The following FOXO1 variants were observed in gnomAD, a reference collection of about 807,000 sequenced individuals.
The protein encoded by FOXO1 is forkhead box protein O1.
A neutral mutation model predicts 44.1 loss-of-function variants in FOXO1; 6 were observed. That is an observed-to-expected ratio of 0.14 (90% CI 0.07 to 0.27). The LOEUF (loss-of-function observed/expected upper bound fraction) is 0.27. FOXO1 is among the 10% of genes least tolerant of loss of function. The pLI is 1.00. For synonymous variants in FOXO1, 380 were observed against 362.7 expected (o/e 1.05, Z -0.54); for missense variants, 737 against 888.8 (o/e 0.83, Z 2.17).
chr13:40,561,351 C>CA (rs5803055), intron 1 of FOXO1, among the ~76,000 whole-genome samples: 102,182 of 119,234 alleles, frequency 0.86, 44,188 homozygotes, highest in Non-Finnish European at 0.9. Flanking sequence ...GACTCGATCT[C>CA]AAAAAAAAAA....
At chr13:40,559,482 G>A (rs1187160712) in intron 2 of FOXO1, 27 bp downstream of exon 2, 1 of 1,520,072 alleles carries the variant, frequency 6.6e-7, no homozygotes, top group African/African-American at 1.4e-5. Flanking sequence ...TTTTTCAAAA[G>A]GTCTTTTGAT....
rs561601058 is a variant in FOXO1, at chr13:40,558,587, A to G, written c.*462T>C. 3.4e-4 allele frequency: 116 copies of G among 342,304 alleles called. No homozygotes were observed. The highest frequency in any genetic ancestry group is 6.8e-5 in the Non-Finnish European group (13 of 191,070). The allele number at this position is 342,304 out of a possible 1,614,324, so 21.2% of individuals were successfully genotyped here. On this transcript the variant is annotated 3_prime_UTR_variant, in exon 3 of 3. Coordinates refer to ENST00000379561, the MANE Select transcript of FOXO1 (RefSeq NM_002015.4). The stretch of plus-strand genomic sequence containing the variant: ...CCGCAGAAAACAGGTAGTACAAACA[A>G]AAGTTTAACTTATCAAGACATGAGG...
rs1269795842 is a variant in FOXO1 at position 40,666,239 on chromosome 13, C to T, written c.-27G>A. 20 of 1,373,900 alleles carry T rather than the reference C, an allele frequency of 1.5e-5. No homozygotes were observed. Among genetic ancestry groups the T allele is most frequent in the Non-Finnish European group, 1.8e-5 (19 of 1,064,030 alleles). 85.1% of individuals were successfully genotyped at this position (1,373,900 alleles called of 1,614,324 possible). ...GTGACCCCCGCCCCTCCCCCAGCCG[C>T]AGGAGAGCCAAGAGGGGGAGAACGC... is the stretch of plus-strand genomic sequence containing the variant. On this transcript the variant is annotated 5_prime_UTR_variant, in exon 1 of 3. Coordinates refer to ENST00000379561, the MANE Select transcript of FOXO1 (RefSeq NM_002015.4).
rs775297914 is a variant in FOXO1, at chr13:40,560,679, G to A, written c.812C>T (p.Ala271Val). Residue 271 changes from alanine (A) to valine (V), a missense_variant, in exon 2 of 3, where the codon GCC becomes GTC. Coordinates refer to ENST00000379561, the MANE Select transcript of FOXO1 (RefSeq NM_002015.4). This position sits in a 1 kb window ranked among gnomAD's most constrained non-coding sequence, Gnocchi z 5.1. ...AGACTGGAGAGATGCTTTCTTCTTG[G>A]CAGCTCGGCTTCGGCTCTTAGCAAA... Reference protein sequence around the residue: ...SKFAKSRSRAAKKKASLQSGQ... With the variant: ...SKFAKSRSRAVKKKASLQSGQ... 5.0e-6 allele frequency: 8 copies of A among 1,614,062 alleles called. No individual in the cohort carries two copies. The highest frequency in any genetic ancestry group is 1.3e-5 in the African/African-American group (1 of 74,926).
intron 1 of FOXO1, among the ~76,000 whole-genome samples, chr13:40,651,158 T>C: frequency 6.6e-6 from 1 of 151,964 alleles, no homozygotes; most frequent in Non-Finnish European, 1.5e-5. Context: ...AGCCTGGACT[T>C]GAACTCCTGG....
At chr13:40,629,866 C>T (rs560353596) in intron 1 of FOXO1, among the ~76,000 whole-genome samples, 2 of 152,276 alleles carry the variant, frequency 1.3e-5, no homozygotes, top group East Asian at 3.9e-4. Flanking sequence ...GAGGAAGCTA[C>T]AGTTGAGAAG....
intron 1 of FOXO1, among the ~76,000 whole-genome samples, chr13:40,629,596 T>G (rs1296165489): frequency 6.6e-6 from 1 of 152,232 alleles, no homozygotes; most frequent in Admixed American, 6.5e-5. Flanking sequence ...AACTTACCAG[T>G]TAAGCATCCC....
chr13:40,620,036 T>G, intron 1 of FOXO1: 1 of 861,296 alleles, frequency 1.2e-6, no homozygotes, highest in Non-Finnish European at 1.9e-6. Flanking sequence ...AGTAGACCAG[T>G]ACAGCAAACC....
At chr13:40,620,449 C>A in intron 1 of FOXO1, 1 of 639,724 alleles carries the variant, frequency 1.6e-6, no homozygotes, top group Non-Finnish European at 2.8e-6. Flanking sequence ...GAGCCATCAT[C>A]AGTGGCTCTT....
At chr13:40,591,039 G>C (rs1441965573) in intron 1 of FOXO1, among the ~76,000 whole-genome samples, 6 of 152,152 alleles carry the variant, frequency 3.9e-5, no homozygotes, top group African/African-American at 1.2e-4. Flanking sequence ...CCTGGGGACA[G>C]ATGGAGGACC....
intron 1 of FOXO1, among the ~76,000 whole-genome samples, chr13:40,633,564 C>T (rs763690778): frequency 6.6e-6 from 1 of 152,124 alleles, no homozygotes; most frequent in Non-Finnish European, 1.5e-5. Context: ...AAAATGTTCA[C>T]AACAGGCAAA....
intron 1 of FOXO1, among the ~76,000 whole-genome samples, chr13:40,580,604 A>G (rs980978506): frequency 6.6e-6 from 1 of 152,186 alleles, no homozygotes; most frequent in Non-Finnish European, 1.5e-5. Context: ...AATATTAGAT[A>G]TTATGGGCAC....
intron 1 of FOXO1, among the ~76,000 whole-genome samples, chr13:40,593,376 G>C (rs909648889): frequency 1.3e-5 from 2 of 152,130 alleles, no homozygotes; most frequent in Non-Finnish European, 2.9e-5. Context: ...GACTCAAAGG[G>C]GAGAAGTATT....
intron 1 of FOXO1, among the ~76,000 whole-genome samples, chr13:40,565,023 G>A (rs1262401350): frequency 7.1e-6 from 1 of 140,206 alleles, no homozygotes; most frequent in Non-Finnish European, 1.5e-5. Flanking sequence ...TCTGCTGGCT[G>A]TTCTATGTTC....
intron 1 of FOXO1, among the ~76,000 whole-genome samples, chr13:40,573,421 T>C (rs955242612): frequency 1.3e-5 from 2 of 152,132 alleles, no homozygotes; most frequent in African/African-American, 4.8e-5. Flanking sequence ...GGAACCACAT[T>C]TAGATGACTT....
chr13:40,643,646 A>T (rs1371314142), intron 1 of FOXO1, among the ~76,000 whole-genome samples: 1 of 152,184 alleles, frequency 6.6e-6, no homozygotes, highest in Non-Finnish European at 1.5e-5. Flanking sequence ...GCTAGGAAAG[A>T]TAGGTCTAAA....
intron 1 of FOXO1, among the ~76,000 whole-genome samples, chr13:40,663,940 G>A (rs1347469745): frequency 6.6e-6 from 1 of 152,204 alleles, no homozygotes; most frequent in Admixed American, 6.5e-5. Context: ...ATTATGCCGT[G>A]GAGTCCAATA....
At chr13:40,581,805 G>C (rs543386144) in intron 1 of FOXO1, among the ~76,000 whole-genome samples, 78 of 152,272 alleles carry the variant, frequency 5.1e-4, no homozygotes, top group African/African-American at 1.8e-3. Flanking sequence ...AGAAAATCAA[G>C]TTACAGAATG....
chr13:40,568,835 G>A (rs954161171), intron 1 of FOXO1, among the ~76,000 whole-genome samples: 11 of 150,778 alleles, frequency 7.3e-5, no homozygotes, highest in Admixed American at 6.0e-4. Context: ...TGGTAAAACC[G>A]GAAGGTACTT....
Sources: allele counts gnomAD v4.1 joint callset (sites outside exome capture counted in the v4.1 genomes callset), GRCh38; gene constraint gnomAD v4.1.1; non-coding constraint Gnocchi (gnomAD v3.1); transcripts MANE v1.5; gene names NCBI Gene and HGNC (gene_info 2026-07-23, HGNC 2026-07-21).